Variants in SLC8A1 observed in about 807,000 individuals in gnomAD.
SLC8A1 encodes the protein solute carrier family 8 member A1, also known as sodium/calcium exchanger 1.
In SLC8A1, 18 loss-of-function variants were observed where a neutral mutation model predicts 68.3. That is an observed-to-expected ratio of 0.26 (90% CI 0.18 to 0.39). The LOEUF is 0.39. Among genes scored for constraint, SLC8A1 ranks in the 10% least tolerant of loss-of-function variants. SLC8A1 has a pLI of 1.00. For synonymous variants in SLC8A1, 475 were observed against 415.5 expected (o/e 1.14, Z -1.74); for missense variants, 985 against 1,156.7 (o/e 0.85, Z 2.15).
intron 1 of SLC8A1, among the ~76,000 whole-genome samples, chr2:40,493,183 C>A (rs1318477250): frequency 3.9e-5 from 6 of 152,060 alleles, no homozygotes; most frequent in African/African-American, 9.7e-5. Context: ...TGATGAGTTC[C>A]TGTCCTTCGT....
intron 2 of SLC8A1, among the ~76,000 whole-genome samples, chr2:40,252,944 T>TATACAC (rs1201085151): frequency 2.1e-5 from 3 of 141,416 alleles, no homozygotes; most frequent in Admixed American, 1.4e-4. Flanking sequence ...TGTATGTACA[T>TATACAC]ATATACATAT....
intron 2 of SLC8A1, among the ~76,000 whole-genome samples, chr2:40,312,423 G>GA (rs2073847632): frequency 6.6e-6 from 1 of 151,908 alleles, no homozygotes; most frequent in Non-Finnish European, 1.5e-5. Context: ...CAGTGGTCCA[G>GA]GAAACTTCAT....
At chr2:40,218,162 A>T (rs2057774670) in intron 2 of SLC8A1, among the ~76,000 whole-genome samples, 1 of 152,216 alleles carries the variant, frequency 6.6e-6, no homozygotes, top group African/African-American at 2.4e-5. Flanking sequence ...CTAAGAATGA[A>T]TTAGATCTAA....
chr2:40,164,977 A>C lies in SLC8A1; in HGVS notation c.1938T>G (p.Tyr646Ter). 6.2e-7 allele frequency: 1 copy of C among 1,613,782 alleles called. No individual in the cohort carries two copies. Among genetic ancestry groups the C allele is most frequent in the Non-Finnish European group, 8.5e-7 (1 of 1,179,844 alleles). Residue 646 changes from tyrosine to a stop codon, truncating the protein, a stop_gained, in exon 5 of 8, where the codon TAT becomes TAG. Coordinates refer to ENST00000406785, the Ensembl canonical transcript of SLC8A1. LOFTEE classifies it high-confidence loss of function. ...TGCTGGTCAGTGGCTGCTTGTCATC[A>C]TATTCGTCTGTGAAACGGAAGTATC...
chr2:40,395,381 G>C (rs1367707841), intron 2 of SLC8A1, among the ~76,000 whole-genome samples: 1 of 152,132 alleles, frequency 6.6e-6, no homozygotes, highest in African/African-American at 2.4e-5. Context: ...ATCTAGAACT[G>C]TGTGCAGGCC....
chr2:40,288,864 ATT>A (rs35858344), intron 2 of SLC8A1, among the ~76,000 whole-genome samples: 198 of 125,798 alleles, frequency 1.6e-3, no homozygotes, highest in South Asian at 1.9e-3. Context: ...TATATATATG[ATT>A]TTTTTTTTTT....
rs150465999 is a variant in SLC8A1, at chr2:40,491,090, A to G, written c.-25+21259T>C. 4.5e-4 allele frequency among the ~76,000 whole-genome samples: 68 copies of G among 152,262 alleles called. No individual in the cohort carries two copies. In the East Asian group the frequency reaches 8.7e-3, roughly 20 times the overall value. On this transcript the variant is annotated intron_variant, in intron 1 of 7. Coordinates refer to the SLC8A1 transcript ENST00000402441. Reference sequence around the variant, plus strand: ...TGAAAACATTACTTGTTTCTCTCCTACATCTACAATTTAACAGTTGTGAAA... The same window carrying G: ...TGAAAACATTACTTGTTTCTCTCCTGCATCTACAATTTAACAGTTGTGAAA...
At chr2:40,366,535 C>T (rs897214744) in intron 2 of SLC8A1, among the ~76,000 whole-genome samples, 2 of 152,032 alleles carry the variant, frequency 1.3e-5, no homozygotes, top group East Asian at 1.9e-4. Context: ...TGTTCTCTAA[C>T]TTTATCCTCA....
intron 2 of SLC8A1, among the ~76,000 whole-genome samples, chr2:40,283,746 A>T (rs1002612969): frequency 1.3e-5 from 2 of 152,202 alleles, no homozygotes; most frequent in African/African-American, 2.4e-5. Context: ...TCTCTAGAAG[A>T]ATCTGAATGC....
intron 2 of SLC8A1, among the ~76,000 whole-genome samples, chr2:40,268,661 G>A (rs181939376): frequency 2.6e-5 from 4 of 152,222 alleles, no homozygotes; most frequent in Admixed American, 2.0e-4. Flanking sequence ...GCAGAAAATA[G>A]GTCACAGTTG....
chr2:40,478,132 A>T (rs935030095), intron 1 of SLC8A1, among the ~76,000 whole-genome samples: 2 of 151,980 alleles, frequency 1.3e-5, no homozygotes, highest in African/African-American at 4.8e-5. Context: ...CTGTTTTCTG[A>T]AAATACTCAG....
intron 2 of SLC8A1, among the ~76,000 whole-genome samples, chr2:40,287,989 T>A (rs1053960052): frequency 6.6e-6 from 1 of 152,138 alleles, no homozygotes; most frequent in East Asian, 1.9e-4. Flanking sequence ...TAAATTTTAG[T>A]GTGAAAGCAG....
At chr2:40,369,916 A>T (rs1193779494) in intron 2 of SLC8A1, among the ~76,000 whole-genome samples, 2 of 152,134 alleles carry the variant, frequency 1.3e-5, no homozygotes, top group African/African-American at 4.8e-5. Context: ...CTGAAGACAT[A>T]ATTCAAAATT....
intron 2 of SLC8A1, among the ~76,000 whole-genome samples, chr2:40,418,152 A>G (rs1694430213): frequency 6.6e-6 from 1 of 152,120 alleles, no homozygotes; most frequent in South Asian, 2.1e-4. Flanking sequence ...ACAAATAACA[A>G]CCGCAAGATA....
chr2:40,491,766 A>T (rs146353147), intron 1 of SLC8A1, among the ~76,000 whole-genome samples: 1 of 152,134 alleles, frequency 6.6e-6, no homozygotes, highest in Non-Finnish European at 1.5e-5. Flanking sequence ...GGTTCTGTTT[A>T]TATGCTGGAT....
At chr2:40,378,435 T>C (rs1049656599) in intron 2 of SLC8A1, among the ~76,000 whole-genome samples, 1 of 152,056 alleles carries the variant, frequency 6.6e-6, no homozygotes, top group Non-Finnish European at 1.5e-5. Context: ...GAAGCCCAGA[T>C]GGCTGAAGTA....
intron 2 of SLC8A1, among the ~76,000 whole-genome samples, chr2:40,272,669 A>T (rs2066191865): frequency 6.6e-6 from 1 of 152,210 alleles, no homozygotes; most frequent in Non-Finnish European, 1.5e-5. Context: ...GTTCCCAGGC[A>T]GGCTGAGCTG....
intron 7 of SLC8A1, among the ~76,000 whole-genome samples, chr2:40,126,120 G>T (rs191236369): frequency 2.2e-4 from 33 of 152,212 alleles, no homozygotes; most frequent in Non-Finnish European, 3.7e-4. Context: ...TGGTGTTCAG[G>T]TCCTCATGCT....
At chr2:40,334,806 ATATAT>A (rs1187742795) in intron 2 of SLC8A1, among the ~76,000 whole-genome samples, 1 of 152,218 alleles carries the variant, frequency 6.6e-6, no homozygotes, top group African/African-American at 2.4e-5. Flanking sequence ...TTTAAAATAA[ATATAT>A]TAAAGAAGAA....
Sources: gnomAD v4.1 joint callset for allele counts (sites outside exome capture counted in the v4.1 genomes callset) on GRCh38, gnomAD v4.1.1 for gene constraint, MANE v1.5 for transcripts, NCBI Gene and HGNC (gene_info 2026-07-23, HGNC 2026-07-21) for gene names.